The following WDR3 variants were observed in gnomAD, a reference collection of about 807,000 sequenced individuals.
WDR3 encodes the protein WD repeat-containing protein 3.
Under a neutral mutation model 123.7 loss-of-function variants are expected in WDR3, and 81 were observed. That is an observed-to-expected ratio of 0.65 (90% CI 0.55 to 0.79). The LOEUF is 0.79. Ranked by LOEUF, WDR3 falls within the 30% of genes least tolerant of loss-of-function variation. WDR3 has a pLI of 0.00. For missense variants in WDR3, 1,027 were observed against 1,123.2 expected, an observed-to-expected ratio of 0.91 and a Z score of 1.22; for synonymous variants, 390 against 388.8, an observed-to-expected ratio of 1.00 and a Z score of -0.04.
In WDR3 at chr1:117,965,879, T is replaced by C. The variant is rs910105454; in HGVS notation, c.*6432T>C. The C allele has an allele frequency of 3.3e-5, 5 of 152,234 alleles. No individual in the cohort carries two copies. The highest frequency in any genetic ancestry group is 3.8e-4 in the East Asian group (2 of 5,198). 9.4% of individuals were successfully genotyped at this position (152,234 alleles called of 1,614,324 possible). On this transcript the variant is annotated 3_prime_UTR_variant, in exon 27 of 27. Coordinates refer to ENST00000349139, the MANE Select transcript of WDR3 (RefSeq NM_006784.3). ...TCCTAATACTCAAGCTTTTGGCAAG[T>C]TGAACTCCCTGCCAATCATCCCAAA...
chr1:117,934,552 A>G lies in WDR3; in HGVS notation c.251A>G (p.Tyr84Cys), dbSNP rs368096895. The change falls in exon 3 of 27, where the codon TAT (tyrosine) becomes TGT (cysteine). Residue 84 changes from tyrosine to cysteine, a missense_variant. Coordinates refer to ENST00000349139, the MANE Select transcript of WDR3 (RefSeq NM_006784.3). ...GATGGGCTACACTTAGCTGTTGGGT[A>G]TGAGGATGGGTCGATCCGAATCTTC... is the stretch of plus-strand genomic sequence containing the variant. ...SPDGLHLAVG[Y>C]EDGSIRIFSL... 23 of 1,614,024 alleles carry G rather than the reference A, an allele frequency of 1.4e-5. No individual in the cohort carries two copies. Among genetic ancestry groups the G allele is most frequent in the African/African-American group, 8.0e-5 (6 of 74,926 alleles).
At chr1:117,934,411 A>C in intron 2 of WDR3, 62 bp from the exon 3 acceptor site, 5 of 1,534,780 alleles carry the variant, frequency 3.3e-6, no homozygotes, top group South Asian at 1.2e-5. Context: ...GAGTATTCCT[A>C]TGCTTTTCCC....
At chr1:117,933,208 A>G in intron 1 of WDR3, 80 bp from the exon 2 acceptor site, 1 of 1,276,278 alleles carries the variant, frequency 7.8e-7, no homozygotes, top group Non-Finnish European at 1.1e-6. Context: ...TGTCTCAAAA[A>G]CAAAAAAACA....
chr1:117,944,574 CCAAACTT>C (rs1455981003), intron 11 of WDR3, among the ~76,000 whole-genome samples: 2 of 152,226 alleles, frequency 1.3e-5, no homozygotes, highest in African/African-American at 4.8e-5. Context: ...GTGTCCCAAA[CCAAACTT>C]ACGTTGTTCA....
At chr1:117,949,652 C>T (rs780143893) in intron 13 of WDR3, 99 bp from the exon 14 acceptor site, 199 of 1,327,584 alleles carry the variant, frequency 1.5e-4, no homozygotes, top group Admixed American at 3.7e-4. Flanking sequence ...TATCCCATGA[C>T]GTTAAATAAA....
In WDR3 at chr1:117,965,128, T is replaced by C. The variant is rs1653654226; in HGVS notation, c.*5681T>C. 1 of 152,236 alleles carries C rather than the reference T, an allele frequency of 6.6e-6. No individual in the cohort carries two copies. Among genetic ancestry groups the C allele is most frequent in the Admixed American group, 6.5e-5 (1 of 15,284 alleles). 9.4% of individuals were successfully genotyped at this position (152,236 alleles called of 1,614,324 possible). On this transcript the variant is annotated 3_prime_UTR_variant, in exon 27 of 27. Transcript: ENST00000349139. ...ATATCCATAACTAATGTTTCTGCTT[T>C]CTTAATACAGTCATTCTTTACCTTT...
Position 117,950,000 on chromosome 1 carries a change from C to G in WDR3, c.1616C>G (p.Ser539Cys), listed in dbSNP as rs776121352. The G allele has an allele frequency of 3.1e-6, 5 of 1,613,756 alleles. No homozygotes were observed. In the South Asian group the frequency reaches 5.5e-5, roughly 18 times the overall value. ...GATGTTTTTTGTGGTGCTAGACTTT[C>G]TGTGAAGCAAACCCGAACTTTGCAA... Reference protein sequence around the residue: ...KDENSTQKRLSVKQTRTLQLD... With the variant: ...KDENSTQKRLCVKQTRTLQLD... Residue 539 changes from serine to cysteine, a missense_variant, in exon 15 of 27, where the codon TCT becomes TGT. Coordinates refer to ENST00000349139, the MANE Select transcript of WDR3 (RefSeq NM_006784.3).
At chr1:117,952,813 A>G (rs1651680019) in intron 19 of WDR3, 133 bp from the exon 20 acceptor site, 9 of 1,431,610 alleles carry the variant, frequency 6.3e-6, no homozygotes, top group Middle Eastern at 1.9e-4. Context: ...CACCCATTTC[A>G]GAAGCTAGGC....
At chr1:117,930,310 G>GA (rs371580895) in intron 1 of WDR3, among the ~76,000 whole-genome samples, 1 of 152,186 alleles carries the variant, frequency 6.6e-6, no homozygotes, top group African/African-American at 2.4e-5. Context: ...TCGAGGCGAT[G>GA]AAAAAAGGCT....
chr1:117,946,535 AT>A (rs1046730825), intron 12 of WDR3, among the ~76,000 whole-genome samples: 1 of 152,222 alleles, frequency 6.6e-6, no homozygotes, highest in African/African-American at 2.4e-5. Context: ...AGACAGAAGC[AT>A]TCAGTAAAGA....
chr1:117,956,052 A>G (rs1316196002), intron 24 of WDR3, among the ~76,000 whole-genome samples: 2 of 152,142 alleles, frequency 1.3e-5, no homozygotes, highest in Admixed American at 6.5e-5. Context: ...CCAAAAGGTA[A>G]TATTTTATTA....
At chr1:117,946,940 CAAAAAAAAA>C (rs55743091) in intron 12 of WDR3, among the ~76,000 whole-genome samples, 5 of 77,370 alleles carry the variant, frequency 6.5e-5, no homozygotes, top group African/African-American at 2.7e-4. Context: ...GACTCCATCT[CAAAAAAAAA>C]AAAAAAAAAA....
intron 16 of WDR3, 23 bp from the exon 17 acceptor site, chr1:117,951,953 T>G: frequency 6.3e-7 from 1 of 1,592,858 alleles, no homozygotes; most frequent in Non-Finnish European, 8.6e-7. Flanking sequence ...ATCAAGGTAG[T>G]GTTTTACTTT....
rs1234950168 is a variant in WDR3, at chr1:117,946,716, C to T, written c.1422+537C>T. On this transcript the variant is annotated intron_variant, in intron 12 of 26. Coordinates refer to ENST00000349139, the MANE Select transcript of WDR3 (RefSeq NM_006784.3). Reference sequence around the variant, plus strand: ...CAGCACTTTGGGAGGCCGAGGCAGGCGGATCACAAGGTCAGGAGATCGAGA... The same window carrying T: ...CAGCACTTTGGGAGGCCGAGGCAGGTGGATCACAAGGTCAGGAGATCGAGA... Among the ~76,000 whole-genome samples the T allele has an allele frequency of 2.3e-4, 35 of 151,844 alleles. 1 individual carries two copies. Among genetic ancestry groups the T allele is most frequent in the African/African-American group, 8.0e-4 (33 of 41,408 alleles).
intron 26 of WDR3, 94 bp from the exon 27 acceptor site, chr1:117,959,198 A>C: frequency 1.4e-6 from 2 of 1,467,008 alleles, no homozygotes; most frequent in South Asian, 2.7e-5. Flanking sequence ...ATAAGTAACA[A>C]CACCTGAAGC....
chr1:117,955,247 A>G, intron 23 of WDR3, 68 bp from the exon 24 acceptor site: 1 of 1,364,440 alleles, frequency 7.3e-7, no homozygotes, highest in East Asian at 2.4e-5. Flanking sequence ...TATAGGAGAT[A>G]GAAATTAGAG....
At position 117,959,558 on chromosome 1, in the gene WDR3, A is replaced by C; in HGVS notation, c.*111A>C. ...AAAATACCAAATAACAGAAGATCGC[A>C]TTGCAGATGATATCAGGATGTGGTT... On this transcript the variant is annotated 3_prime_UTR_variant, in exon 27 of 27. Transcript: ENST00000349139. 8.7e-7 allele frequency: 1 copy of C among 1,150,198 alleles called. No homozygotes were observed. The highest frequency in any genetic ancestry group is 1.2e-6 in the Non-Finnish European group (1 of 851,440). 71.2% of individuals were successfully genotyped at this position (1,150,198 alleles called of 1,614,324 possible). A position where few individuals can be genotyped will look rare whatever the true frequency, so the allele number is the denominator to read the frequency against.
intron 10 of WDR3, 129 bp from the exon 11 acceptor site, chr1:117,943,264 TTAC>T (rs1311227118): frequency 1.4e-5 from 11 of 804,310 alleles, no homozygotes; most frequent in Non-Finnish European, 1.9e-5. Flanking sequence ...CAGGGCACTC[TTAC>T]TTGAAAAATT....
chr1:117,952,741 C>T (rs1291677453), intron 19 of WDR3, 79 bp downstream of exon 19: 2 of 1,541,054 alleles, frequency 1.3e-6, no homozygotes, highest in African/African-American at 2.8e-5. Context: ...CTGTCTAGTG[C>T]AGTTACACCT....
Sources: gnomAD v4.1 joint callset for allele counts (sites outside exome capture counted in the v4.1 genomes callset) on GRCh38, gnomAD v4.1.1 for gene constraint, MANE v1.5 for transcripts, NCBI Gene and HGNC (gene_info 2026-07-23, HGNC 2026-07-21) for gene names.